Variants in RECQL observed in about 807,000 individuals in gnomAD.
RECQL encodes the protein ATP-dependent DNA helicase Q1.
RECQL carries 73 observed loss-of-function variants against 75.8 expected under a neutral mutation model. The observed-to-expected ratio is 0.96, with a 90% CI of 0.80 to 1.17. The LOEUF (loss-of-function observed/expected upper bound fraction) is 1.17, where lower values mean the gene tolerates loss of function less well. Among genes scored for constraint, RECQL ranks in the 50% most tolerant of loss-of-function variants. RECQL has a pLI of 0.00. For synonymous variants in RECQL, 248 were observed against 254.4 expected, an observed-to-expected ratio of 0.97 and a Z score of 0.24; for missense variants, 699 against 772.1, an observed-to-expected ratio of 0.91 and a Z score of 1.12.
At chr12:21,485,919 G>A (rs1489482651) in intron 5 of RECQL, among the ~76,000 whole-genome samples, 5 of 152,130 alleles carry the variant, frequency 3.3e-5, no homozygotes, top group African/African-American at 1.2e-4. Flanking sequence ...GGGTAAGACA[G>A]TCCATTCCTA....
rs1943303280 is a variant in RECQL at position 21,486,595 on chromosome 12, A to G, written c.395-10T>C. ...ATGACGAGTGTAAAACCTAAAAGAG[A>G]AAAAAAAAAAAATCTACCTTAAACT... On this transcript the variant is annotated splice_polypyrimidine_tract_variant and intron_variant, in intron 4 of 14. Coordinates refer to ENST00000444129, the MANE Select transcript of RECQL (RefSeq NM_002907.4). 1.8e-5 allele frequency: 5 copies of G among 276,208 alleles called. No homozygotes were observed. The highest frequency in any genetic ancestry group is 2.8e-4 in the East Asian group (1 of 3,570). The allele number at this position is 276,208 out of a possible 1,614,324, so 17.1% of individuals were successfully genotyped here.
intron 13 of RECQL, 84 bp downstream of exon 13, chr12:21,471,344 C>T: frequency 8.6e-6 from 11 of 1,276,888 alleles, no homozygotes; most frequent in Non-Finnish European, 1.2e-5. Flanking sequence ...CACAAAATAA[C>T]TGCAAAACCG....
At chr12:21,471,270 T>A in intron 13 of RECQL, 158 bp downstream of exon 13, 1 of 964,356 alleles carries the variant, frequency 1.0e-6, no homozygotes, top group Non-Finnish European at 1.5e-6. Context: ...TACTTTTTTT[T>A]ATTTATAGTG....
chr12:21,473,514 T>C (rs751105885), intron 12 of RECQL, 37 bp downstream of exon 12: 7 of 1,467,708 alleles, frequency 4.8e-6, no homozygotes, highest in Non-Finnish European at 6.7e-6. Context: ...ATTATGACTG[T>C]ATTAGCCTAT....
At chr12:21,495,221 A>G (rs1943482727) in intron 2 of RECQL, among the ~76,000 whole-genome samples, 1 of 152,204 alleles carries the variant, frequency 6.6e-6, no homozygotes, top group African/African-American at 2.4e-5. Context: ...GAAGGACTCA[A>G]CCACACAGCT....
intron 11 of RECQL, 29 bp downstream of exon 11, chr12:21,474,812 T>C (rs1456645424): frequency 8.7e-6 from 14 of 1,603,092 alleles, no homozygotes; most frequent in Non-Finnish European, 1.1e-5. Context: ...CTTTAATTGA[T>C]AAAAGTTATA....
chr12:21,486,985 T>C (rs1212097972), intron 4 of RECQL, among the ~76,000 whole-genome samples: 33 of 152,134 alleles, frequency 2.2e-4, no homozygotes, highest in Admixed American at 2.2e-3. Context: ...TTCACCTTCT[T>C]AACTTGTGGG....
chr12:21,469,361 G>A lies in RECQL; in HGVS notation c.*833C>T, dbSNP rs1942869641. On this transcript the variant is annotated 3_prime_UTR_variant, in exon 15 of 15. Transcript: ENST00000444129. ...ATCTGTAAACTTTCTTAAAACATGAGATTTTTCTTGCAATTTTTTTTTTTT... is the reference window on the plus strand; with the variant it reads ...ATCTGTAAACTTTCTTAAAACATGAAATTTTTCTTGCAATTTTTTTTTTTT... 6.6e-6 allele frequency: 1 copy of A among 151,664 alleles called. No individual in the cohort carries two copies. Among genetic ancestry groups the A allele is most frequent in the African/African-American group, 2.4e-5 (1 of 41,236 alleles). 9.4% of individuals were successfully genotyped at this position (151,664 alleles called of 1,614,324 possible).
intron 10 of RECQL, 126 bp downstream of exon 10, chr12:21,475,342 C>T (rs1943063523): frequency 1.6e-6 from 1 of 643,916 alleles, no homozygotes; most frequent in Non-Finnish European, 2.6e-6. Flanking sequence ...TGTCAAACTG[C>T]TAAAAATACA....
At chr12:21,486,655 A>ACCTTTCAC (rs1379528273) in intron 4 of RECQL, 70 bp from the exon 5 acceptor site, 1 of 180,128 alleles carries the variant, frequency 5.6e-6, no homozygotes, top group African/African-American at 5.4e-5. Context: ...CAAACCATTC[A>ACCTTTCAC]CGTTTTTTTT....
intron 8 of RECQL, among the ~76,000 whole-genome samples, chr12:21,476,637 AATTAAC>A (rs1292898914): frequency 1.3e-5 from 2 of 152,142 alleles, no homozygotes; most frequent in Non-Finnish European, 2.9e-5. Flanking sequence ...TGCTGTTGAT[AATTAAC>A]ATTAAGTCAT....
intron 2 of RECQL, among the ~76,000 whole-genome samples, chr12:21,498,261 G>C (rs1943544260): frequency 1.3e-5 from 2 of 152,172 alleles, no homozygotes; most frequent in East Asian, 3.8e-4. Flanking sequence ...AGCACTTTAA[G>C]GGCTGGACTA....
At chr12:21,491,464 T>A in intron 3 of RECQL, 55 bp downstream of exon 3, 1 of 1,502,056 alleles carries the variant, frequency 6.7e-7, no homozygotes, top group East Asian at 2.3e-5. Context: ...TCATTCTAGT[T>A]TTTTAAAATA....
chr12:21,491,949 T>G (rs1413509817), intron 2 of RECQL, among the ~76,000 whole-genome samples: 2 of 152,174 alleles, frequency 1.3e-5, no homozygotes, highest in East Asian at 3.9e-4. Flanking sequence ...CCATTTCCCT[T>G]CCTGTAAAAT....
chr12:21,474,688 G>A (rs754025293), intron 11 of RECQL, among the ~76,000 whole-genome samples, 153 bp downstream of exon 11: 13 of 152,094 alleles, frequency 8.5e-5, no homozygotes, highest in Non-Finnish European at 1.8e-4. Context: ...AGATCATACA[G>A]GTTGATGTGC....
chr12:21,486,431 T>C, intron 5 of RECQL, 48 bp downstream of exon 5: 1 of 1,521,692 alleles, frequency 6.6e-7, no homozygotes, highest in Non-Finnish European at 8.8e-7. Context: ...AAAGCTCCTA[T>C]TTCAGTGAAT....
intron 12 of RECQL, among the ~76,000 whole-genome samples, chr12:21,473,289 T>C (rs2137326625): frequency 6.6e-6 from 1 of 152,226 alleles, no homozygotes; most frequent in Admixed American, 6.6e-5. Flanking sequence ...ACTTACTCTA[T>C]GTTTAGATAC....
At position 21,501,556 on chromosome 12, in the gene RECQL, A is replaced by G. The variant is rs1021089934; in HGVS notation, c.-432T>C. 5.9e-5 allele frequency: 15 copies of G among 255,896 alleles called. No individual in the cohort carries two copies. The highest frequency in any genetic ancestry group is 2.3e-4 in the African/African-American group (10 of 44,188). The allele number at this position is 255,896 out of a possible 1,614,324, so 15.9% of individuals were successfully genotyped here. On this transcript the variant is annotated 5_prime_UTR_variant, in exon 1 of 15. Coordinates refer to ENST00000444129, the MANE Select transcript of RECQL (RefSeq NM_002907.4). ...GATCTCCGACTCTCGGATCTCCGAC[A>G]CCAAAGCACCCAGGCCTCGAGCAGA... is the stretch of plus-strand genomic sequence containing the variant.
At chr12:21,488,623 C>A (rs1270729766) in intron 4 of RECQL, among the ~76,000 whole-genome samples, 2 of 152,174 alleles carry the variant, frequency 1.3e-5, no homozygotes, top group Admixed American at 1.3e-4. Flanking sequence ...CGCCAATGTA[C>A]CCCATTTCAG....
Sources: gnomAD v4.1 joint callset for allele counts (sites outside exome capture counted in the v4.1 genomes callset) on GRCh38, gnomAD v4.1.1 for gene constraint, MANE v1.5 for transcripts, NCBI Gene and HGNC (gene_info 2026-07-23, HGNC 2026-07-21) for gene names.